The following TCERG1 variants were observed in gnomAD, a reference collection of about 807,000 sequenced individuals.
TCERG1 encodes TATA box binding protein (TBP)-associated factor, RNA polymerase II, S, 150kD.
In TCERG1, 37 loss-of-function variants were observed where a neutral mutation model predicts 144.7. The observed-to-expected ratio is 0.26, with a 90% CI of 0.20 to 0.34. The LOEUF (loss-of-function observed/expected upper bound fraction) is 0.34. TCERG1 is among the 10% of genes least tolerant of loss of function. The pLI is 1.00. For synonymous variants in TCERG1, 492 were observed against 458.2 expected (o/e 1.07, Z -0.94); for missense variants, 1,027 against 1,380.7 (o/e 0.74, Z 4.06).
Position 146,458,867 on chromosome 5 carries a change from T to G in TCERG1, c.439-17T>G. 1.3e-6 allele frequency: 2 copies of G among 1,581,930 alleles called. No homozygotes were observed. The highest frequency in any genetic ancestry group is 8.6e-7 in the Non-Finnish European group (1 of 1,163,482). On this transcript the variant is annotated splice_polypyrimidine_tract_variant and intron_variant, in intron 3 of 22. Coordinates refer to ENST00000679501, the MANE Select transcript of TCERG1 (RefSeq NM_001382548.1). ...TGACAGATTTTATGATACCATTGAT[T>G]TTTGCTTCCGCTGCAGGTTTATTAT...
chr5:146,452,030 T>C (rs1762401948), intron 1 of TCERG1, among the ~76,000 whole-genome samples: 1 of 151,928 alleles, frequency 6.6e-6, no homozygotes, highest in African/African-American at 2.4e-5. Context: ...TCAAGTGATC[T>C]GCCCACCTCT....
chr5:146,478,767 T>A, intron 10 of TCERG1, 114 bp downstream of exon 10: 1 of 1,076,760 alleles, frequency 9.3e-7, no homozygotes, highest in Non-Finnish European at 1.3e-6. Flanking sequence ...TAAGAAGCAT[T>A]CGAAAAAAAT....
At chr5:146,470,061 C>G (rs1411631832) in intron 7 of TCERG1, among the ~76,000 whole-genome samples, 1 of 152,040 alleles carries the variant, frequency 6.6e-6, no homozygotes, top group Admixed American at 6.6e-5. Flanking sequence ...TAATACAGAT[C>G]AGGAAGGAAT....
intron 17 of TCERG1, among the ~76,000 whole-genome samples, chr5:146,498,939 A>G (rs1365618544): frequency 6.6e-6 from 1 of 152,222 alleles, no homozygotes; most frequent in African/African-American, 2.4e-5. Context: ...GATGCCTGGT[A>G]AACTCAGAAC....
In TCERG1 at chr5:146,510,564, A is replaced by C; in HGVS notation, c.3270A>C (p.Ala1090=). The change falls in exon 23 of 23, where the codon GCA becomes GCC. Residue 1090 remains alanine, a synonymous_variant. Transcript: ENST00000679501. ...AGGAGAGGCGTAAACTGATTGTGGCATATGTTGATGACCTGGATCGCCGGG... is the reference window on the plus strand; with the variant it reads ...AGGAGAGGCGTAAACTGATTGTGGCCTATGTTGATGACCTGGATCGCCGGG... ...VPEERRKLIV[A]YVDDLDRRGP... 6.2e-7 allele frequency: 1 copy of C among 1,614,172 alleles called. No individual in the cohort carries two copies. The highest frequency in any genetic ancestry group is 1.3e-5 in the African/African-American group (1 of 75,046).
chr5:146,483,439 TC>T, intron 14 of TCERG1, 100 bp from the exon 15 acceptor site: 1 of 1,004,442 alleles, frequency 1.0e-6, no homozygotes, highest in Non-Finnish European at 1.5e-6. Flanking sequence ...TGGTTTTATG[TC>T]TCCTTTATAA....
chr5:146,496,017 G>C (rs1391452797), intron 16 of TCERG1, among the ~76,000 whole-genome samples: 1 of 152,196 alleles, frequency 6.6e-6, no homozygotes, highest in Admixed American at 6.5e-5. Context: ...GCCAGGTGTG[G>C]TGGTGGGCGC....
At chr5:146,448,446 A>G (rs1449574103) in intron 1 of TCERG1, among the ~76,000 whole-genome samples, 2 of 152,152 alleles carry the variant, frequency 1.3e-5, no homozygotes. Context: ...ATTATGCTTT[A>G]TGTGTATTTG....
chr5:146,459,441 T>C lies in TCERG1; in HGVS notation c.892+104T>C, dbSNP rs1382322601. 2.0e-6 allele frequency: 3 copies of C among 1,503,844 alleles called. No individual in the cohort carries two copies. In the African/African-American group the frequency reaches 4.2e-5, roughly 21 times the overall value. The allele number at this position is 1,503,844 out of a possible 1,614,324, so 93.2% of individuals were successfully genotyped here. ...CAGTGTTTCTGGTATTATCCTTTAA[T>C]ACCAGAATTATTTAAAATACATTTT... On this transcript the variant is annotated intron_variant, in intron 4 of 22. Transcript: ENST00000679501.
chr5:146,501,348 T>TAC (rs371398593), intron 17 of TCERG1, among the ~76,000 whole-genome samples: 9 of 152,064 alleles, frequency 5.9e-5, no homozygotes, highest in Admixed American at 1.3e-4. Flanking sequence ...CTCATACTGA[T>TAC]AGCCTTAGTA....
Position 146,510,764 on chromosome 5 carries a change from G to A in TCERG1, c.*122G>A. 3 of 925,716 alleles carry A rather than the reference G, an allele frequency of 3.2e-6. No individual in the cohort carries two copies. Among genetic ancestry groups the A allele is most frequent in the East Asian group, 5.5e-5 (2 of 36,288 alleles). The allele number at this position is 925,716 out of a possible 1,614,324, so 57.3% of individuals were successfully genotyped here. A position where few individuals can be genotyped will look rare whatever the true frequency, so the allele number is the denominator to read the frequency against. On this transcript the variant is annotated 3_prime_UTR_variant, in exon 23 of 23. Transcript: ENST00000679501. ...AACCATCTGACAAACAGAAGGAGAAGCATTTGTGAACAGTTTCTGAACAGA... is the reference window on the plus strand; with the variant it reads ...AACCATCTGACAAACAGAAGGAGAAACATTTGTGAACAGTTTCTGAACAGA...
chr5:146,507,391 T>C lies in TCERG1; in HGVS notation c.2961+184T>C. 1 of 570,714 alleles carries C rather than the reference T, an allele frequency of 1.8e-6. No individual in the cohort carries two copies. The highest frequency in any genetic ancestry group is 2.8e-6 in the Non-Finnish European group (1 of 351,696). 35.4% of individuals were successfully genotyped at this position (570,714 alleles called of 1,614,324 possible). On this transcript the variant is annotated intron_variant, in intron 20 of 22. Transcript: ENST00000679501. The surrounding 1 kb of genome is among the most constrained non-coding windows in gnomAD (Gnocchi z 4.6). ...TATTTATTTAGAAATGCCTATTCTT[T>C]GCAGTTTTCACATTCATAACTGCTC...
intron 9 of TCERG1, among the ~76,000 whole-genome samples, chr5:146,473,265 T>C (rs1581454362): frequency 6.6e-6 from 1 of 152,304 alleles, no homozygotes; most frequent in East Asian, 1.9e-4. Flanking sequence ...AGCCAAAACC[T>C]AATCCACAAG....
chr5:146,457,384 A>G (rs972193968), intron 3 of TCERG1, 49 bp downstream of exon 3: 30 of 1,520,022 alleles, frequency 2.0e-5, no homozygotes, highest in Non-Finnish European at 2.7e-5. Flanking sequence ...AGAGGAGTAA[A>G]ACTTAAAGAG....
In TCERG1 at chr5:146,468,278, T is replaced by A; in HGVS notation, c.1136-63T>A. 2.3e-6 allele frequency: 3 copies of A among 1,291,006 alleles called. No individual in the cohort carries two copies. In the South Asian group the frequency reaches 4.7e-5, roughly 20 times the overall value. 80.0% of individuals were successfully genotyped at this position (1,291,006 alleles called of 1,614,324 possible). On this transcript the variant is annotated intron_variant, in intron 5 of 22. Transcript: ENST00000679501. ...TGTAGTGGTAAATTATTTCCCTGAA[T>A]CCCAGTGGTAGCCGACATACAATGG...
rs555614671 is a variant in TCERG1, at chr5:146,447,553, G to A, written c.59+145G>A. ...GGGACCGCATGGGGTTTAAGAAGGG[G>A]GAAGGGGAAGGTGGCTTGAATGAGA... On this transcript the variant is annotated intron_variant, in intron 1 of 22. Coordinates refer to ENST00000679501, the MANE Select transcript of TCERG1 (RefSeq NM_001382548.1). 70 of 1,066,936 alleles carry A rather than the reference G, an allele frequency of 6.6e-5. 1 individual carries two copies. The South Asian group carries it at 9.8e-4, about 15-fold the overall frequency. 66.1% of individuals were successfully genotyped at this position (1,066,936 alleles called of 1,614,324 possible).
chr5:146,453,549 A>G (rs567072450), intron 1 of TCERG1, among the ~76,000 whole-genome samples: 113 of 152,330 alleles, frequency 7.4e-4, no homozygotes, highest in Admixed American at 2.0e-3. Flanking sequence ...TAATACTTTA[A>G]TCTGTTGTGC....
rs746311634 is a variant in TCERG1 at position 146,478,554 on chromosome 5, A to G, written c.1663A>G (p.Met555Val). The change falls in exon 10 of 23, where the codon ATG (methionine) becomes GTG (valine). Residue 555 changes from methionine to valine, a missense_variant. By Grantham distance (21) the Met-to-Val change is conservative (BLOSUM62 1). Around this residue, in one of 6 missense-constraint regions of TCERG1, gnomAD observed 482 missense variants for 632.6 expected, o/e 0.76. Coordinates refer to ENST00000679501, the MANE Select transcript of TCERG1 (RefSeq NM_001382548.1). ...FFYNPTTRLS[M>V]WDRPDDLIGR... ...TTATAATCCCACCACTCGTCTTTCTATGTGGGACCGACCTGATGATCTGAT... is the reference window on the plus strand; with the variant it reads ...TTATAATCCCACCACTCGTCTTTCTGTGTGGGACCGACCTGATGATCTGAT... 9 of 1,612,476 alleles carry G rather than the reference A, an allele frequency of 5.6e-6. No individual in the cohort carries two copies. Among genetic ancestry groups the G allele is most frequent in the Non-Finnish European group, 7.6e-6 (9 of 1,179,584 alleles).
intron 2 of TCERG1, 84 bp from the exon 3 acceptor site, chr5:146,457,099 A>C: frequency 6.6e-7 from 1 of 1,521,320 alleles, no homozygotes; most frequent in South Asian, 1.3e-5. Context: ...TTTCTCTTAC[A>C]GTGTTTTACT....
Sources: gnomAD v4.1 joint callset for allele counts (sites outside exome capture counted in the v4.1 genomes callset) on GRCh38, gnomAD v4.1.1 for gene constraint, gnomAD v4.1.1 regional missense constraint, Gnocchi (gnomAD v3.1) non-coding constraint, MANE v1.5 for transcripts, NCBI Gene and HGNC (gene_info 2026-07-23, HGNC 2026-07-21) for gene names.